VSTM4: variants seen among roughly 807,000 people sequenced by gnomAD.
VSTM4 encodes V-set and transmembrane domain containing 4.
VSTM4 carries 20 observed loss-of-function variants against 36.4 expected under a neutral mutation model. That is an observed-to-expected ratio of 0.55 (90% CI 0.39 to 0.80). The LOEUF (loss-of-function observed/expected upper bound fraction) is 0.80. Among genes scored for constraint, VSTM4 ranks in the 30% least tolerant of loss-of-function variants. The pLI is 0.00. For synonymous variants in VSTM4, 182 were observed against 173.9 expected (o/e 1.05, Z -0.37); for missense variants, 392 against 404.5 (o/e 0.97, Z 0.26).
chr10:49,021,916 G>A (rs1048279452), intron 7 of VSTM4, among the ~76,000 whole-genome samples: 11 of 152,174 alleles, frequency 7.2e-5, no homozygotes, highest in African/African-American at 1.4e-4. Context: ...GCATGTATGC[G>A]TGTATGTAAG....
chr10:49,026,801 T>C (rs1405775863), intron 7 of VSTM4, among the ~76,000 whole-genome samples: 2 of 152,190 alleles, frequency 1.3e-5, no homozygotes, highest in African/African-American at 2.4e-5. Context: ...CTGGGTTCTC[T>C]AGCAATGAAG....
chr10:49,102,736 C>T lies in VSTM4; in HGVS notation c.457+4858G>A, dbSNP rs571095155. The T allele has an allele frequency of 1.9e-5, 19 of 985,474 alleles. No homozygotes were observed. In the African/African-American group the frequency reaches 3.0e-4, roughly 15 times the overall value. 61.0% of individuals were successfully genotyped at this position (985,474 alleles called of 1,614,324 possible). A position where few individuals can be genotyped will look rare whatever the true frequency, so the allele number is the denominator to read the frequency against. ...CCTACTTCAAAGTCATCCACAGCAA[C>T]AGTTGCTAATGACACTTGACAAAGA... On this transcript the variant is annotated intron_variant, in intron 2 of 7. Transcript: ENST00000332853.
At chr10:49,038,899 G>C (rs1026485972) in intron 7 of VSTM4, among the ~76,000 whole-genome samples, 4 of 152,106 alleles carry the variant, frequency 2.6e-5, no homozygotes, top group African/African-American at 4.8e-5. Flanking sequence ...CAGTGGAGGA[G>C]GGGGAGGCAG....
At position 49,036,333 on chromosome 10, in the gene VSTM4, C is replaced by T. The variant is rs891625892; in HGVS notation, c.837+10650G>A. 3.3e-5 allele frequency among the ~76,000 whole-genome samples: 5 copies of T among 152,148 alleles called. No homozygotes were observed. The East Asian group carries it at 5.8e-4, about 18-fold the overall frequency. On this transcript the variant is annotated intron_variant, in intron 7 of 7. Coordinates refer to ENST00000332853, the MANE Select transcript of VSTM4 (RefSeq NM_001031746.5). ...TTTATCTCTGCAAAAATGGTACTAGCGTGGTACAAGCAAAGTTTGTATTTT... is the reference window on the plus strand; with the variant it reads ...TTTATCTCTGCAAAAATGGTACTAGTGTGGTACAAGCAAAGTTTGTATTTT...
intron 7 of VSTM4, among the ~76,000 whole-genome samples, chr10:49,042,927 A>C (rs992297709): frequency 3.3e-5 from 5 of 152,216 alleles, no homozygotes; most frequent in African/African-American, 9.6e-5. Flanking sequence ...GGGGGTGAGT[A>C]ATAAGCCATG....
intron 7 of VSTM4, among the ~76,000 whole-genome samples, chr10:49,025,874 C>G (rs1417662122): frequency 6.6e-6 from 1 of 152,214 alleles, no homozygotes; most frequent in Non-Finnish European, 1.5e-5. Flanking sequence ...GCCCCCAAAC[C>G]CTGTGTTCCA....
intron 5 of VSTM4, 189 bp downstream of exon 5, chr10:49,064,514 G>C: frequency 1.5e-6 from 1 of 650,558 alleles, no homozygotes; most frequent in Non-Finnish European, 2.6e-6. Context: ...TGGATCCCTG[G>C]GGGTGAAAAC....
chr10:49,024,764 G>C (rs980155170), intron 7 of VSTM4, among the ~76,000 whole-genome samples: 1 of 152,128 alleles, frequency 6.6e-6, no homozygotes, highest in Non-Finnish European at 1.5e-5. Context: ...ATATGTGCAC[G>C]TTCTGAATGC....
intron 7 of VSTM4, among the ~76,000 whole-genome samples, chr10:49,038,531 C>T (rs936282048): frequency 2.0e-5 from 3 of 152,080 alleles, no homozygotes; most frequent in East Asian, 3.9e-4. Flanking sequence ...ATTGACCACA[C>T]CACAGTGGGA....
chr10:49,049,019 C>T (rs1445366398), intron 5 of VSTM4, among the ~76,000 whole-genome samples: 1 of 152,194 alleles, frequency 6.6e-6, no homozygotes, highest in Admixed American at 6.5e-5. Flanking sequence ...ACCAAGGTTC[C>T]TTGCACACAC....
At chr10:49,111,617 T>C (rs1844895285) in intron 1 of VSTM4, among the ~76,000 whole-genome samples, 1 of 152,214 alleles carries the variant, frequency 6.6e-6, no homozygotes, top group South Asian at 2.1e-4. Context: ...TGTGACCCTG[T>C]GTTGCGGAGA....
chr10:49,051,786 T>G (rs776019511), intron 5 of VSTM4, among the ~76,000 whole-genome samples: 6 of 152,378 alleles, frequency 3.9e-5, no homozygotes, highest in East Asian at 1.9e-4. Context: ...GCATCTCAGC[T>G]GCTTCTAATT....
At chr10:49,068,094 C>T (rs779612526) in intron 4 of VSTM4, among the ~76,000 whole-genome samples, 11 of 151,394 alleles carry the variant, frequency 7.3e-5, no homozygotes, top group South Asian at 2.1e-4. Flanking sequence ...ATTTTTTATC[C>T]GAGTTTGGTT....
At chr10:49,036,205 A>G (rs992738284) in intron 7 of VSTM4, among the ~76,000 whole-genome samples, 8 of 152,168 alleles carry the variant, frequency 5.3e-5, no homozygotes, top group Admixed American at 2.0e-4. Flanking sequence ...CCGCACGCCC[A>G]TCCCTTCTGA....
At chr10:49,090,961 C>T (rs1844462800) in intron 2 of VSTM4, among the ~76,000 whole-genome samples, 1 of 151,088 alleles carries the variant, frequency 6.6e-6, no homozygotes, top group Non-Finnish European at 1.5e-5. Context: ...TGACCTCCTG[C>T]TCCCACAGTG....
intron 7 of VSTM4, among the ~76,000 whole-genome samples, chr10:49,032,524 G>T (rs184111816): frequency 6.6e-6 from 1 of 152,208 alleles, no homozygotes; most frequent in African/African-American, 2.4e-5. Context: ...GATGAGAGAG[G>T]CTCGAGGATG....
intron 5 of VSTM4, among the ~76,000 whole-genome samples, chr10:49,055,766 C>A (rs1184458258): frequency 1.3e-5 from 2 of 152,206 alleles, no homozygotes; most frequent in Non-Finnish European, 2.9e-5. Flanking sequence ...TCACAGGGAC[C>A]CTTTGAAATG....
intron 2 of VSTM4, among the ~76,000 whole-genome samples, chr10:49,104,531 G>A (rs72785049): frequency 0.051 from 7,797 of 152,290 alleles, 218 homozygotes; most frequent in Middle Eastern, 0.11. Context: ...TTTGCTTGGG[G>A]TTGCTTTTCC....
intron 1 of VSTM4, among the ~76,000 whole-genome samples, chr10:49,110,313 C>G (rs867727258): frequency 2.0e-5 from 3 of 152,162 alleles, no homozygotes; most frequent in Non-Finnish European, 4.4e-5. Context: ...CATGGGAGGC[C>G]AGATTTCTTC....
Sources: allele counts gnomAD v4.1 joint callset (sites outside exome capture counted in the v4.1 genomes callset), GRCh38; gene constraint gnomAD v4.1.1; transcripts MANE v1.5; gene names NCBI Gene and HGNC (gene_info 2026-07-23, HGNC 2026-07-21).